The following RIMS1 variants were observed in gnomAD, a reference collection of about 807,000 sequenced individuals.
RIMS1 encodes regulating synaptic membrane exocytosis protein 1.
RIMS1 carries 83 observed loss-of-function variants against 214.1 expected under a neutral mutation model. The ratio of observed to expected loss-of-function variants is 0.39; its 90% CI spans 0.32 to 0.47. The LOEUF is 0.47. Ranked by LOEUF, RIMS1 falls within the 20% of genes least tolerant of loss-of-function variation. The pLI is 0.99. For synonymous variants in RIMS1, 793 were observed against 786.8 expected (o/e 1.01, Z -0.13); for missense variants, 2,050 against 2,161.8 (o/e 0.95, Z 1.03).
intron 2 of RIMS1, among the ~76,000 whole-genome samples, chr6:72,012,526 A>T (rs1387961679): frequency 6.6e-6 from 1 of 152,140 alleles, no homozygotes; most frequent in African/African-American, 2.4e-5. Context: ...AGGATTAATA[A>T]CTAGTCATTA....
chr6:72,362,688 AAAAT>A (rs200507542), intron 29 of RIMS1, among the ~76,000 whole-genome samples: 2,060 of 152,348 alleles, frequency 0.014, 49 homozygotes, highest in African/African-American at 0.048. Flanking sequence ...GACTAAATTA[AAAAT>A]AAATAGGTAG....
At chr6:72,390,196 C>T (rs2098680500) in intron 29 of RIMS1, among the ~76,000 whole-genome samples, 1 of 152,186 alleles carries the variant, frequency 6.6e-6, no homozygotes, top group Admixed American at 6.5e-5. Flanking sequence ...TAAAAGAACA[C>T]GACCTGTCCT....
chr6:72,206,237 TTC>T (rs1236415862), intron 6 of RIMS1, among the ~76,000 whole-genome samples: 1 of 152,196 alleles, frequency 6.6e-6, no homozygotes, highest in African/African-American at 2.4e-5. Flanking sequence ...CATTATGCAT[TTC>T]ATTTCTATCA....
At chr6:72,308,069 T>A (rs1454114796) in intron 27 of RIMS1, among the ~76,000 whole-genome samples, 2 of 152,124 alleles carry the variant, frequency 1.3e-5, no homozygotes, top group African/African-American at 4.8e-5. Flanking sequence ...GGATTGATAT[T>A]TGACTATTGA....
chr6:71,951,492 T>TTGTGTGTGTG (rs1554151372), intron 1 of RIMS1, among the ~76,000 whole-genome samples: 1 of 117,462 alleles, frequency 8.5e-6, no homozygotes, highest in African/African-American at 3.7e-5. Flanking sequence ...TTTTTTTTTT[T>TTGTGTGTGTG]TGTGTGTGTG....
intron 1 of RIMS1, among the ~76,000 whole-genome samples, chr6:71,898,916 C>A (rs757384853): frequency 6.6e-6 from 1 of 152,052 alleles, no homozygotes; most frequent in Non-Finnish European, 1.5e-5. Flanking sequence ...CACATTCAAA[C>A]ATTTAATTTT....
intron 9 of RIMS1, among the ~76,000 whole-genome samples, chr6:72,241,124 ATAAT>A (rs2066715917): frequency 6.6e-6 from 1 of 152,228 alleles, no homozygotes; most frequent in Non-Finnish European, 1.5e-5. Flanking sequence ...ATTGGAAAAA[ATAAT>A]TACTTTAAAG....
intron 2 of RIMS1, among the ~76,000 whole-genome samples, chr6:72,033,696 G>T (rs924979287): frequency 1.3e-5 from 2 of 151,838 alleles, no homozygotes; most frequent in African/African-American, 4.8e-5. Flanking sequence ...TGGCCAGACT[G>T]GTTTCGAACT....
chr6:72,313,389 T>C (rs1167589799), intron 27 of RIMS1, 117 bp from the exon 28 acceptor site: 2 of 760,246 alleles, frequency 2.6e-6, no homozygotes, highest in African/African-American at 3.5e-5. Flanking sequence ...ATATTACAGC[T>C]ACTCTTATGA....
chr6:72,023,163 A>G (rs1207835021), intron 2 of RIMS1, among the ~76,000 whole-genome samples: 2 of 152,188 alleles, frequency 1.3e-5, no homozygotes, highest in African/African-American at 4.8e-5. Flanking sequence ...AAGCTTTTCA[A>G]TGTGATTTAA....
At chr6:72,358,939 T>C (rs192729761) in intron 29 of RIMS1, among the ~76,000 whole-genome samples, 4 of 152,258 alleles carry the variant, frequency 2.6e-5, no homozygotes, top group Admixed American at 2.0e-4. Context: ...GCCATAAATA[T>C]CAGATCAGAT....
intron 29 of RIMS1, among the ~76,000 whole-genome samples, chr6:72,388,761 G>C (rs1269157966): frequency 2.0e-5 from 3 of 152,190 alleles, no homozygotes; most frequent in Non-Finnish European, 4.4e-5. Context: ...AATCAAAGAT[G>C]ATTACAAGGA....
chr6:72,076,931 C>G (rs1408791472), intron 2 of RIMS1, among the ~76,000 whole-genome samples: 2 of 152,156 alleles, frequency 1.3e-5, no homozygotes, highest in African/African-American at 4.8e-5. Flanking sequence ...CAATAAAAGT[C>G]CTTCAGTGAC....
intron 2 of RIMS1, among the ~76,000 whole-genome samples, chr6:72,001,957 A>G (rs574203548): frequency 4.2e-4 from 64 of 152,324 alleles, no homozygotes; most frequent in Non-Finnish European, 3.8e-4. Context: ...TGTTCATTTT[A>G]TCTTCATATC....
chr6:72,052,747 ATG>A (rs1825061258), intron 2 of RIMS1, among the ~76,000 whole-genome samples: 2 of 152,286 alleles, frequency 1.3e-5, no homozygotes, highest in Admixed American at 6.5e-5. Context: ...TTTTTTGCGT[ATG>A]TGTTATTCTC....
chr6:72,006,629 C>T (rs1400025100), intron 2 of RIMS1, among the ~76,000 whole-genome samples: 1 of 152,204 alleles, frequency 6.6e-6, no homozygotes, highest in Non-Finnish European at 1.5e-5. Context: ...CCCACCCTAA[C>T]ACTGCGCTTT....
chr6:71,907,836 A>AT (rs1562168561), intron 1 of RIMS1, among the ~76,000 whole-genome samples: 1 of 152,198 alleles, frequency 6.6e-6, no homozygotes, highest in African/African-American at 2.4e-5. Context: ...AGTTGGATAT[A>AT]TTTTCCATAG....
At chr6:72,075,185 A>G (rs1013953716) in intron 2 of RIMS1, among the ~76,000 whole-genome samples, 1 of 151,830 alleles carries the variant, frequency 6.6e-6, no homozygotes, top group African/African-American at 2.4e-5. Context: ...GGGCTCAAGC[A>G]CTCTTCCCAC....
Position 72,199,732 on chromosome 6 carries a change from T to C in RIMS1, c.1678+16583T>C, listed in dbSNP as rs375051359. On this transcript the variant is annotated intron_variant, in intron 6 of 33. Transcript: ENST00000521978. ...ATAGAATTGTAGAAAGATAAAACTA[T>C]TGGCTTCTGAAACCAAAATGATGTA... Among the ~76,000 whole-genome samples the C allele has an allele frequency of 2.0e-4, 31 of 152,246 alleles. No individual in the cohort carries two copies. In the East Asian group the frequency reaches 5.2e-3, roughly 26 times the overall value.
Sources: allele counts gnomAD v4.1 joint callset (sites outside exome capture counted in the v4.1 genomes callset), GRCh38; gene constraint gnomAD v4.1.1; transcripts MANE v1.5; gene names NCBI Gene and HGNC (gene_info 2026-07-23, HGNC 2026-07-21).